The following CNTN4 variants were observed in gnomAD, a reference collection of about 807,000 sequenced individuals.
CNTN4 encodes the protein contactin-4.
Under a neutral mutation model 122.5 loss-of-function variants are expected in CNTN4, and 77 were observed. The ratio of observed to expected loss-of-function variants is 0.63; its 90% CI spans 0.52 to 0.76. The LOEUF (loss-of-function observed/expected upper bound fraction) is 0.76. Among genes scored for constraint, CNTN4 ranks in the 30% least tolerant of loss-of-function variants. CNTN4 has a pLI of 0.00. For missense variants in CNTN4, 1,256 were observed against 1,259.1 expected (o/e 1.00, Z 0.04); for synonymous variants, 512 against 447.0 (o/e 1.15, Z -1.83).
intron 4 of CNTN4, among the ~76,000 whole-genome samples, chr3:2,671,867 A>G (rs891093105): frequency 2.0e-5 from 3 of 152,234 alleles, no homozygotes; most frequent in African/African-American, 7.2e-5. Flanking sequence ...GGTCCACTCC[A>G]GACCCTGTTT....
chr3:2,131,109 A>C (rs1242541750), intron 2 of CNTN4, among the ~76,000 whole-genome samples: 1 of 152,158 alleles, frequency 6.6e-6, no homozygotes, highest in Admixed American at 6.5e-5. Flanking sequence ...GTATTATCTC[A>C]TTTAATCTTT....
intron 4 of CNTN4, among the ~76,000 whole-genome samples, chr3:2,673,448 C>A (rs74612139): frequency 0.23 from 35,430 of 152,050 alleles, 4,298 homozygotes; most frequent in South Asian, 0.44. Flanking sequence ...TAGGTGGACT[C>A]TTACTTCCCT....
intron 6 of CNTN4, among the ~76,000 whole-genome samples, chr3:2,801,654 C>A (rs1011599950): frequency 1.3e-5 from 2 of 150,052 alleles, no homozygotes; most frequent in African/African-American, 5.1e-5. Context: ...GTATCATTGT[C>A]GTGATTAAGA....
intron 2 of CNTN4, among the ~76,000 whole-genome samples, chr3:2,232,380 T>C (rs1459868134): frequency 1.3e-5 from 2 of 152,178 alleles, no homozygotes; most frequent in Admixed American, 1.3e-4. Flanking sequence ...CTGTGTTGTA[T>C]AGCATACTCC....
At chr3:2,984,569 G>A (rs935648288) in intron 13 of CNTN4, among the ~76,000 whole-genome samples, 5 of 152,224 alleles carry the variant, frequency 3.3e-5, no homozygotes, top group Admixed American at 3.3e-4. Flanking sequence ...ACTTGGCTAT[G>A]CCATATACTT....
At chr3:2,980,470 A>G (rs558071818) in intron 13 of CNTN4, among the ~76,000 whole-genome samples, 1 of 152,348 alleles carries the variant, frequency 6.6e-6, no homozygotes, top group East Asian at 1.9e-4. Flanking sequence ...AAAGTTCACT[A>G]TCACCCTAAT....
chr3:2,638,383 T>C (rs993239937), intron 4 of CNTN4, among the ~76,000 whole-genome samples: 2 of 152,230 alleles, frequency 1.3e-5, no homozygotes, highest in Non-Finnish European at 2.9e-5. Context: ...AAGATGTGAA[T>C]ATGCCTTAAA....
At chr3:2,423,839 T>C (rs2047704507) in intron 3 of CNTN4, among the ~76,000 whole-genome samples, 1 of 151,258 alleles carries the variant, frequency 6.6e-6, no homozygotes, top group Non-Finnish European at 1.5e-5. Flanking sequence ...GTGCCGAACA[T>C]CGTTCCGGTC....
intron 3 of CNTN4, among the ~76,000 whole-genome samples, chr3:2,431,099 G>T (rs1480232009): frequency 6.6e-6 from 1 of 152,000 alleles, no homozygotes; most frequent in Non-Finnish European, 1.5e-5. Context: ...ATATAATGAA[G>T]TGTATTCAGA....
At chr3:2,768,908 G>C (rs2090971477) in intron 6 of CNTN4, among the ~76,000 whole-genome samples, 1 of 152,096 alleles carries the variant, frequency 6.6e-6, no homozygotes, top group Non-Finnish European at 1.5e-5. Context: ...ACTTCCTCAA[G>C]TTCGTGATCC....
chr3:2,108,183 T>TTTTTC (rs760932599), intron 2 of CNTN4, among the ~76,000 whole-genome samples: 1 of 137,800 alleles, frequency 7.3e-6, no homozygotes, highest in Non-Finnish European at 1.6e-5. Context: ...TTTTTTTTTT[T>TTTTTC]CATGACTGTT....
At chr3:2,529,329 G>A (rs985909345) in intron 3 of CNTN4, among the ~76,000 whole-genome samples, 6 of 151,980 alleles carry the variant, frequency 3.9e-5, no homozygotes, top group African/African-American at 9.7e-5. Flanking sequence ...GTATATATAC[G>A]TATTTTCTTC....
chr3:2,419,644 T>G (rs890415594), intron 3 of CNTN4, among the ~76,000 whole-genome samples: 3 of 152,110 alleles, frequency 2.0e-5, no homozygotes, highest in African/African-American at 7.2e-5. Context: ...TTTCAACCAG[T>G]TTTTAAAACT....
intron 2 of CNTN4, among the ~76,000 whole-genome samples, chr3:2,285,102 T>C (rs552487313): frequency 6.6e-6 from 1 of 152,138 alleles, no homozygotes; most frequent in East Asian, 1.9e-4. Context: ...TAAAAATTAT[T>C]TTCTTGCAAC....
chr3:2,570,191 T>G (rs1431265233), intron 3 of CNTN4, among the ~76,000 whole-genome samples: 1 of 152,048 alleles, frequency 6.6e-6, no homozygotes, highest in East Asian at 1.9e-4. Context: ...TTTTTTTCTC[T>G]GAGACAGGGT....
intron 3 of CNTN4, among the ~76,000 whole-genome samples, chr3:2,387,524 T>A (rs1240352079): frequency 6.6e-6 from 1 of 152,164 alleles, no homozygotes; most frequent in East Asian, 1.9e-4. Context: ...TTTTTTATTG[T>A]TTAAGAAATT....
chr3:2,808,603 A>G (rs2092527389), intron 6 of CNTN4, among the ~76,000 whole-genome samples: 1 of 152,108 alleles, frequency 6.6e-6, no homozygotes, highest in Non-Finnish European at 1.5e-5. Flanking sequence ...TAATAGGCCC[A>G]TGCAATTTGC....
intron 4 of CNTN4, among the ~76,000 whole-genome samples, chr3:2,610,231 A>G (rs2081423084): frequency 6.6e-6 from 1 of 152,204 alleles, no homozygotes; most frequent in Admixed American, 6.5e-5. Context: ...GCTCACTTCC[A>G]TTCTTGAAAT....
At chr3:2,483,392 C>G (rs1182854360) in intron 3 of CNTN4, among the ~76,000 whole-genome samples, 1 of 152,140 alleles carries the variant, frequency 6.6e-6, no homozygotes, top group East Asian at 1.9e-4. Context: ...AGGGACTTGT[C>G]TTCTCTCAGA....
Sources: allele counts gnomAD v4.1 joint callset (sites outside exome capture counted in the v4.1 genomes callset), GRCh38; gene constraint gnomAD v4.1.1; transcripts MANE v1.5; gene names NCBI Gene and HGNC (gene_info 2026-07-23, HGNC 2026-07-21).